PHF20: variants seen among roughly 807,000 people sequenced by gnomAD.
The protein encoded by PHF20 is glioma-expressed antigen 2.
Under a neutral mutation model 113.5 loss-of-function variants are expected in PHF20, and 23 were observed. That is an observed-to-expected ratio of 0.20 (90% CI 0.15 to 0.29). PHF20 has a LOEUF of 0.29. Among genes scored for constraint, PHF20 ranks in the 10% least tolerant of loss-of-function variants. The probability of loss-of-function intolerance (pLI) is 1.00; values close to 1 mark genes in which losing one functional copy is unlikely to be tolerated. For missense variants in PHF20, 943 were observed against 1,219.6 expected (o/e 0.77, Z 3.38); for synonymous variants, 434 against 457.3 (o/e 0.95, Z 0.65).
chr20:35,935,687 C>CATCTAG (rs1285679291), intron 15 of PHF20, among the ~76,000 whole-genome samples: 1 of 152,172 alleles, frequency 6.6e-6, no homozygotes, highest in Non-Finnish European at 1.5e-5. Flanking sequence ...TCTGAATCCT[C>CATCTAG]ATCTAGATCC....
chr20:35,918,644 A>C (rs1419924365), intron 13 of PHF20, among the ~76,000 whole-genome samples: 1 of 152,218 alleles, frequency 6.6e-6, no homozygotes, highest in African/African-American at 2.4e-5. Flanking sequence ...TAAATTTCTG[A>C]GTAAGTAATT....
intron 2 of PHF20, among the ~76,000 whole-genome samples, chr20:35,837,061 C>T (rs2042455480): frequency 1.3e-5 from 2 of 151,950 alleles, no homozygotes; most frequent in Non-Finnish European, 1.5e-5. Flanking sequence ...CCTGTAGTCC[C>T]AGCTACTCAG....
intron 9 of PHF20, chr20:35,887,632 C>G (rs1390339383): frequency 6.6e-6 from 1 of 152,076 alleles, no homozygotes; most frequent in African/African-American, 2.4e-5. Flanking sequence ...CTGTCTCCTT[C>G]GCCATATTCT....
chr20:35,779,606 G>T (rs1018007290), intron 1 of PHF20, among the ~76,000 whole-genome samples: 2 of 151,186 alleles, frequency 1.3e-5, no homozygotes, highest in Admixed American at 6.6e-5. Context: ...TGCAACCTCT[G>T]TCTCCTGGGT....
At chr20:35,844,543 C>CCA (rs61622083) in intron 3 of PHF20, among the ~76,000 whole-genome samples, 5,472 of 117,612 alleles carry the variant, frequency 0.047, 220 homozygotes, top group African/African-American at 0.096. Flanking sequence ...TTCACCATCA[C>CCA]CACACACACA....
intron 9 of PHF20, among the ~76,000 whole-genome samples, chr20:35,885,467 CTTTTTTTTTTTTTTTTTTT>C (rs577878410): frequency 2.0e-4 from 7 of 35,728 alleles, no homozygotes; most frequent in African/African-American, 6.5e-4. Context: ...GGGGAATAAG[CTTTTTTTTTTTTTTTTTTT>C]TTTTTTTTTT....
intron 2 of PHF20, among the ~76,000 whole-genome samples, chr20:35,813,108 C>T (rs2042006004): frequency 6.6e-6 from 1 of 152,118 alleles, no homozygotes; most frequent in Non-Finnish European, 1.5e-5. Flanking sequence ...GCTGGGACTA[C>T]AGGCGCCCGC....
At chr20:35,939,215 T>C (rs957342819) in intron 16 of PHF20, 107 bp downstream of exon 16, 18 of 1,254,972 alleles carry the variant, frequency 1.4e-5, no homozygotes, top group Non-Finnish European at 1.8e-5. Flanking sequence ...AAACTGTATT[T>C]AAATTTGCTT....
At chr20:35,860,686 C>T (rs909526850) in intron 5 of PHF20, among the ~76,000 whole-genome samples, 1 of 152,160 alleles carries the variant, frequency 6.6e-6, no homozygotes, top group African/African-American at 2.4e-5. Flanking sequence ...GTTCACTTGT[C>T]TCTCTGGCAT....
chr20:35,876,872 C>T (rs939687598), intron 9 of PHF20, among the ~76,000 whole-genome samples: 5 of 150,984 alleles, frequency 3.3e-5, no homozygotes, highest in South Asian at 2.1e-4. Context: ...TTTGGGAGGC[C>T]GAGGCAGGCG....
At chr20:35,871,186 A>G (rs772243638) in intron 8 of PHF20, 52 bp downstream of exon 8, 1 of 1,384,558 alleles carries the variant, frequency 7.2e-7, no homozygotes, top group South Asian at 1.3e-5. Flanking sequence ...CTATTTAGTG[A>G]GAATCAATGT....
chr20:35,858,600 C>T (rs2042880469), intron 5 of PHF20, among the ~76,000 whole-genome samples: 1 of 152,012 alleles, frequency 6.6e-6, no homozygotes, highest in Admixed American at 6.6e-5. Flanking sequence ...AAACAGAGTC[C>T]CGCTCTGTCG....
chr20:35,776,046 G>A (rs1233373938), intron 1 of PHF20, among the ~76,000 whole-genome samples: 1 of 152,212 alleles, frequency 6.6e-6, no homozygotes, highest in Non-Finnish European at 1.5e-5. Context: ...CTGGGCTCAA[G>A]CAGTCCTCCA....
At chr20:35,775,155 T>G (rs1346193339) in intron 1 of PHF20, 1 of 152,172 alleles carries the variant, frequency 6.6e-6, no homozygotes, top group Non-Finnish European at 1.5e-5. Context: ...CTTCTCAAAC[T>G]TGAATGTGCA....
chr20:35,833,050 CA>C (rs56997481), intron 2 of PHF20, among the ~76,000 whole-genome samples: 5,547 of 69,840 alleles, frequency 0.079, 97 homozygotes, highest in African/African-American at 0.15. Context: ...GACTCCATCT[CA>C]AAAAAAAAAA....
intron 2 of PHF20, among the ~76,000 whole-genome samples, chr20:35,806,388 T>C (rs1219850759): frequency 6.8e-6 from 1 of 146,118 alleles, no homozygotes; most frequent in Non-Finnish European, 1.5e-5. Context: ...CTTGAACTCC[T>C]GACCTCAAGT....
intron 2 of PHF20, among the ~76,000 whole-genome samples, chr20:35,806,387 C>G (rs1272934954): frequency 6.9e-6 from 1 of 145,410 alleles, no homozygotes; most frequent in African/African-American, 2.6e-5. Flanking sequence ...TCTTGAACTC[C>G]TGACCTCAAG....
At chr20:35,836,534 C>A (rs1413233787) in intron 2 of PHF20, among the ~76,000 whole-genome samples, 2 of 152,048 alleles carry the variant, frequency 1.3e-5, no homozygotes, top group Non-Finnish European at 2.9e-5. Flanking sequence ...CGGTTGATAT[C>A]TTTAAAAAAG....
intron 2 of PHF20, among the ~76,000 whole-genome samples, chr20:35,803,601 A>G (rs2041825460): frequency 6.6e-6 from 1 of 151,870 alleles, no homozygotes; most frequent in Non-Finnish European, 1.5e-5. Context: ...CTGGGATTAC[A>G]GGCGTGAGCC....
Sources: gnomAD v4.1 joint callset for allele counts (sites outside exome capture counted in the v4.1 genomes callset) on GRCh38, gnomAD v4.1.1 for gene constraint, MANE v1.5 for transcripts, NCBI Gene and HGNC (gene_info 2026-07-23, HGNC 2026-07-21) for gene names.